GLB1: variants seen among roughly 807,000 people sequenced by gnomAD.
GLB1 encodes the protein galactosidase beta 1, also known as beta-galactosidase.
Under a neutral mutation model 74.0 loss-of-function variants are expected in GLB1, and 56 were observed. The observed-to-expected ratio is 0.76, with a 90% CI of 0.61 to 0.94. The LOEUF (loss-of-function observed/expected upper bound fraction) is 0.94, where lower values mean the gene tolerates loss of function less well. Ranked by LOEUF, GLB1 falls within the 40% of genes least tolerant of loss-of-function variation. GLB1 has a pLI of 0.00. For missense variants in GLB1, 787 were observed against 845.5 expected, an observed-to-expected ratio of 0.93 and a Z score of 0.86; for synonymous variants, 323 against 323.6, an observed-to-expected ratio of 1.00 and a Z score of 0.02.
chr3:32,988,230 G>GCAAAGAC, the GLB1 span, among the ~76,000 whole-genome samples: 1 of 149,746 alleles, frequency 6.7e-6, no homozygotes, highest in Non-Finnish European at 1.5e-5. Flanking sequence ...CTTTTAAGGT[G>GCAAAGAC]CAAAGACCAA....
chr3:33,010,809 C>G (rs1281877023), intron 15 of GLB1, among the ~76,000 whole-genome samples: 1 of 151,800 alleles, frequency 6.6e-6, no homozygotes, highest in East Asian at 1.9e-4. Flanking sequence ...GATATTTTTA[C>G]AAACCCAAAA....
intron 1 of GLB1, among the ~76,000 whole-genome samples, chr3:33,087,920 G>C (rs1417351067): frequency 6.6e-6 from 1 of 152,010 alleles, no homozygotes; most frequent in Non-Finnish European, 1.5e-5. Flanking sequence ...ATGATCAAGT[G>C]GGATTTATTC....
intron 9 of GLB1, among the ~76,000 whole-genome samples, chr3:33,049,497 A>C (rs965346733): frequency 2.6e-5 from 4 of 151,998 alleles, no homozygotes; most frequent in African/African-American, 9.7e-5. Context: ...GCTCACTGCA[A>C]CCTCCACCAC....
intron 10 of GLB1, among the ~76,000 whole-genome samples, chr3:33,027,723 A>T (rs931624560): frequency 6.6e-6 from 1 of 152,182 alleles, no homozygotes; most frequent in Non-Finnish European, 1.5e-5. Flanking sequence ...CGGAGGTTGC[A>T]GTGAGCTGAG....
At chr3:33,031,254 G>T (rs1697992459) in intron 10 of GLB1, among the ~76,000 whole-genome samples, 1 of 152,066 alleles carries the variant, frequency 6.6e-6, no homozygotes, top group South Asian at 2.1e-4. Context: ...ATATACAGGG[G>T]ATATCTACCA....
At chr3:33,085,988 G>A (rs1700491301) in intron 1 of GLB1, among the ~76,000 whole-genome samples, 1 of 151,780 alleles carries the variant, frequency 6.6e-6, no homozygotes, top group African/African-American at 2.4e-5. Context: ...CAAAGTGAGT[G>A]TATCGCTTAA....
chr3:33,075,707 T>C (rs1021104002), intron 1 of GLB1, among the ~76,000 whole-genome samples: 3 of 152,042 alleles, frequency 2.0e-5, no homozygotes, highest in African/African-American at 7.2e-5. Flanking sequence ...AGGGCAAGTT[T>C]CTCAAAGGAA....
chr3:33,014,069 G>A lies in GLB1; in HGVS notation c.1721C>T (p.Pro574Leu), dbSNP rs780714398. Residue 574 changes from proline (P) to leucine (L), a missense_variant, in exon 15 of 16, where the codon CCT becomes CTT. By Grantham distance (98) the Pro-to-Leu change is moderately conservative. Transcript: ENST00000307363. Reference protein sequence around the residue: ...DLPQDTFIQFPGWTKGQVWIN... With the variant: ...DLPQDTFIQFLGWTKGQVWIN... ...GAAGACACGTACCTTGGTCCATCCA[G>A]GAAACTGGATAAAGGTGTCCTGGGG... 9 of 1,614,074 alleles carry A rather than the reference G, an allele frequency of 5.6e-6. No homozygotes were observed. In the African/African-American group the frequency reaches 1.1e-4, roughly 19 times the overall value.
intron 13 of GLB1, among the ~76,000 whole-genome samples, chr3:33,017,082 G>A (rs1349992652): frequency 6.6e-6 from 1 of 152,202 alleles, no homozygotes; most frequent in Non-Finnish European, 1.5e-5. Flanking sequence ...GTCTAAGCTG[G>A]TTTCCTTTGC....
intron 4 of GLB1, among the ~76,000 whole-genome samples, chr3:33,066,870 T>C (rs555151630): frequency 5.4e-4 from 82 of 152,224 alleles, no homozygotes; most frequent in African/African-American, 1.9e-3. Flanking sequence ...AACATGAAGG[T>C]ACTGGAGTAA....
intron 1 of GLB1, chr3:33,091,494 C>G (rs1478485920): frequency 1.0e-6 from 1 of 985,386 alleles, no homozygotes; most frequent in Non-Finnish European, 1.2e-6. Context: ...ATCCTCTGGG[C>G]ACCTGTGCCC....
intron 10 of GLB1, among the ~76,000 whole-genome samples, chr3:33,028,192 C>A (rs1316120350): frequency 1.3e-5 from 2 of 152,228 alleles, no homozygotes; most frequent in Admixed American, 1.3e-4. Context: ...GTGTGAGCTA[C>A]CACGCCCAGC....
intron 1 of GLB1, chr3:33,077,219 C>T (rs2125561646): frequency 1.3e-6 from 2 of 1,534,866 alleles, no homozygotes; most frequent in East Asian, 2.4e-5. Flanking sequence ...AGATGAAAAG[C>T]CCAAGGAAGG....
chr3:32,970,796 C>T, the GLB1 span, among the ~76,000 whole-genome samples: 1 of 152,154 alleles, frequency 6.6e-6, no homozygotes, highest in Non-Finnish European at 1.5e-5. Context: ...AGGACAACTG[C>T]CCTGCTCTGA....
At position 33,048,510 on chromosome 3, in the gene GLB1, G is replaced by A. The variant is rs114343449; in HGVS notation, c.956-2278C>T. ...AGCTGTGGACACACACAGGTGTGGA[G>A]GAAGGAGACACACACCTGCACAGGC... is the stretch of plus-strand genomic sequence containing the variant. On this transcript the variant is annotated intron_variant, in intron 9 of 15. Coordinates refer to ENST00000307363, the MANE Select transcript of GLB1 (RefSeq NM_000404.4). Among the ~76,000 whole-genome samples, 1,041 of 152,336 alleles carry A rather than the reference G, an allele frequency of 6.8e-3. 19 individuals carry two copies. Among genetic ancestry groups the A allele is most frequent in the African/African-American group, 0.024 (982 of 41,568 alleles).
chr3:32,995,437 T>C (rs553234501), downstream of GLB1, among the ~76,000 whole-genome samples: 9 of 152,146 alleles, frequency 5.9e-5, no homozygotes, highest in Admixed American at 1.3e-4. Context: ...CGCCCTGTGA[T>C]CTGCCCAAAC....
chr3:33,002,091 G>T (rs1485748035), intron 15 of GLB1, among the ~76,000 whole-genome samples: 1 of 152,004 alleles, frequency 6.6e-6, no homozygotes, highest in Non-Finnish European at 1.5e-5. Flanking sequence ...GGTTTCTGGG[G>T]CTTCCTAAGG....
intron 15 of GLB1, among the ~76,000 whole-genome samples, chr3:33,000,724 T>TA (rs1194650554): frequency 1.3e-5 from 2 of 151,600 alleles, no homozygotes; most frequent in South Asian, 2.1e-4. Context: ...AAGACTCAGT[T>TA]AAAAAAAACA....
At chr3:32,977,381 T>A in the GLB1 span, among the ~76,000 whole-genome samples, 2,878 of 152,124 alleles carry the variant, frequency 0.019, 71 homozygotes, top group African/African-American at 0.064. Context: ...AATTTTTGTA[T>A]TTTTAGTAGA....
Sources: allele counts gnomAD v4.1 joint callset (sites outside exome capture counted in the v4.1 genomes callset), GRCh38; gene constraint gnomAD v4.1.1; transcripts MANE v1.5; gene names NCBI Gene and HGNC (gene_info 2026-07-23, HGNC 2026-07-21).